The following CORO1A variants were observed in gnomAD, a reference collection of about 807,000 sequenced individuals.
CORO1A encodes the protein coronin 1A, also known as coronin-1A.
A neutral mutation model predicts 44.1 loss-of-function variants in CORO1A; 17 were observed. That is an observed-to-expected ratio of 0.39 (90% CI 0.26 to 0.58). The LOEUF (loss-of-function observed/expected upper bound fraction) is 0.58. Among genes scored for constraint, CORO1A ranks in the 20% least tolerant of loss-of-function variants. CORO1A has a pLI of 0.62. For missense variants in CORO1A, 415 were observed against 606.5 expected (o/e 0.68, Z 3.32); for synonymous variants, 271 against 244.2 (o/e 1.11, Z -1.02).
In CORO1A at chr16:30,188,235, A is replaced by T. The variant is rs1193026406; in HGVS notation, c.1051A>T (p.Thr351Ser). The T allele has an allele frequency of 1.9e-6, 3 of 1,614,092 alleles. No homozygotes were observed. The highest frequency in any genetic ancestry group is 8.5e-7 in the Non-Finnish European group (1 of 1,180,002). The change falls in exon 9 of 11, where the codon ACA becomes TCA. Residue 351 changes from threonine (T) to serine (S), a missense_variant. Transcript: ENST00000219150. Reference sequence around the variant, plus strand: ...GCGGAGGTGTGAGCCCATTGCCATGACAGTGCCTCGAAAGGTGATGCTCCC... The same window carrying T: ...GCGGAGGTGTGAGCCCATTGCCATGTCAGTGCCTCGAAAGGTGATGCTCCC... ...HERRCEPIAMTVPRKSDLFQE... is the reference protein window; with the variant it reads ...HERRCEPIAMSVPRKSDLFQE...
chr16:30,187,981 GC>G lies in CORO1A; in HGVS notation c.905del (p.Pro302LeufsTer28). 1.2e-6 allele frequency: 2 copies of G among 1,614,052 alleles called. No individual in the cohort carries two copies. The highest frequency in any genetic ancestry group is 1.7e-6 in the Non-Finnish European group (2 of 1,179,998). ...SIRYFEITSE[A>X]PFLHYLSMFS... ...CCGGTACTTTGAGATCACTTCCGAG[GC>G]CCCTTTCCTGCACTATCTCTCCATG... is the stretch of plus-strand genomic sequence containing the variant. On this transcript the variant is annotated frameshift_variant, in exon 8 of 11. Transcript: ENST00000219150. LOFTEE classifies it high-confidence loss of function.
Position 30,187,382 on chromosome 16 carries a change from G to A in CORO1A, c.637G>A (p.Glu213Lys), listed in dbSNP as rs1305051349. ...IEPRKGTVVA[E>K]KDRPHEGTRP... is the part of the protein sequence containing the mutation. ...ACCTACCACCTCCCTTTCCTTGCAG[G>A]AGAAGGACCGTCCCCACGAGGGGAC... is the stretch of plus-strand genomic sequence containing the variant. Residue 213 changes from glutamate (E) to lysine (K), a missense_variant and splice_region_variant, in exon 6 of 11, where the codon GAG becomes AAG. Around this residue, in one of 2 missense-constraint regions of CORO1A, gnomAD observed 325 missense variants for 521.7 expected, o/e 0.62. Coordinates refer to ENST00000219150, the MANE Select transcript of CORO1A (RefSeq NM_007074.4). The A allele has an allele frequency of 1.3e-5, 21 of 1,610,454 alleles. 1 individual carries two copies. In the Admixed American group the frequency reaches 3.5e-4, roughly 27 times the overall value.
chr16:30,185,376 G>A lies in CORO1A; in HGVS notation c.167G>A (p.Gly56Glu). The stretch of plus-strand genomic sequence containing the variant: ...GCCCTGATCTGTGAGGCCAGCGGGG[G>A]AGGGGCCTTCCTGGTGCTGCCCCTG... ...FVALICEASG[G>E]GAFLVLPLGK... Residue 56 changes from glycine to glutamate, a missense_variant, in exon 2 of 11, where the codon GGA becomes GAA. Gly to Glu is a moderately conservative substitution (Grantham distance 98). This residue lies in a region of CORO1A where 325 missense variants were observed against 521.7 expected (regional missense o/e 0.62). Coordinates refer to ENST00000219150, the MANE Select transcript of CORO1A (RefSeq NM_007074.4). 6.2e-7 allele frequency: 1 copy of A among 1,614,022 alleles called. No homozygotes were observed. Among genetic ancestry groups the A allele is most frequent in the Non-Finnish European group, 8.5e-7 (1 of 1,180,012 alleles).
At chr16:30,187,329 G>A (rs1298688606) in intron 5 of CORO1A, 53 bp from the exon 6 acceptor site, 2 of 1,606,548 alleles carry the variant, frequency 1.2e-6, no homozygotes, top group Non-Finnish European at 1.7e-6. Flanking sequence ...ACCTGGGACT[G>A]GCCCCGTAGG....
intron 2 of CORO1A, chr16:30,186,187 C>A: frequency 3.2e-6 from 1 of 310,750 alleles, no homozygotes. Flanking sequence ...CCCTGCAGCC[C>A]CACCACTCAC....
At position 30,186,685 on chromosome 16, in the gene CORO1A, G is replaced by A. The variant is rs756845489; in HGVS notation, c.286G>A (p.Val96Ile). The A allele has an allele frequency of 2.0e-5, 32 of 1,612,994 alleles. No homozygotes were observed. Among genetic ancestry groups the A allele is most frequent in the East Asian group, 1.3e-4 (6 of 44,882 alleles). Residue 96 changes from valine (V) to isoleucine (I), a missense_variant, in exon 3 of 11, where the codon GTC becomes ATC. Physicochemically the swap from Val to Ile is conservative, Grantham distance 29 (BLOSUM62 3). Around this residue, in one of 2 missense-constraint regions of CORO1A, gnomAD observed 325 missense variants for 521.7 expected, o/e 0.62. Transcript: ENST00000219150. ...CGCCTGGTGCCCGCACAATGACAAC[G>A]TCATTGCCAGTGGCTCCGAGGACTG... The part of the protein sequence containing the change: ...DIAWCPHNDN[V>I]IASGSEDCTV...
At position 30,188,266 on chromosome 16, in the gene CORO1A, C is replaced by A; in HGVS notation, c.1065+17C>A. On this transcript the variant is annotated intron_variant, in intron 9 of 10. Transcript: ENST00000219150. ...CCTCGAAAGGTGATGCTCCCCCGCC[C>A]CACCCTGGGCTCCAGGCTGGGCACT... The A allele has an allele frequency of 6.2e-7, 1 of 1,613,574 alleles. No individual in the cohort carries two copies. Among genetic ancestry groups the A allele is most frequent in the Non-Finnish European group, 8.5e-7 (1 of 1,179,602 alleles).
chr16:30,184,667 T>G lies in CORO1A; in HGVS notation c.-1-542T>G. ...TGAGCCAGAGACCTGCTGGGGAAGC[T>G]ATCCTGCCGCCTCACTCCCCTCAGG... On this transcript the variant is annotated intron_variant, in intron 1 of 10. Transcript: ENST00000219150. This position sits in a 1 kb window ranked among gnomAD's most constrained non-coding sequence, Gnocchi z 4.3. 5.2e-6 allele frequency: 1 copy of G among 192,498 alleles called. No individual in the cohort carries two copies. The highest frequency in any genetic ancestry group is 8.1e-5 in the South Asian group (1 of 12,384). The allele number at this position is 192,498 out of a possible 1,614,324, so 11.9% of individuals were successfully genotyped here.
chr16:30,186,545 T>C (rs527251188), intron 2 of CORO1A, 53 bp from the exon 3 acceptor site: 32 of 1,595,480 alleles, frequency 2.0e-5, no homozygotes, highest in African/African-American at 4.1e-5. Context: ...TGTGGGGAGG[T>C]TGGATTGGGT....
Position 30,187,221 on chromosome 16 carries a change from G to C in CORO1A, c.634G>C (p.Ala212Pro). The C allele has an allele frequency of 6.2e-7, 1 of 1,611,712 alleles. No homozygotes were observed. Among genetic ancestry groups the C allele is most frequent in the Non-Finnish European group, 8.5e-7 (1 of 1,180,020 alleles). Residue 212 changes from alanine (A) to proline (P), a missense_variant and splice_region_variant, in exon 5 of 11, where the codon GCT (alanine) becomes CCT (proline). Ala to Pro is a conservative substitution (Grantham distance 27). Transcript: ENST00000219150. The stretch of plus-strand genomic sequence containing the variant: ...CGAGCCCCGCAAAGGCACTGTCGTA[G>C]CTGTGAGTCGCCATCTACCCTGACC... ...IIEPRKGTVV[A>P]EKDRPHEGTR... is the part of the protein sequence containing the mutation.
chr16:30,186,571 A>G (rs2151062329), intron 2 of CORO1A, 27 bp from the exon 3 acceptor site: 1 of 1,611,792 alleles, frequency 6.2e-7, no homozygotes, highest in Non-Finnish European at 8.5e-7. Flanking sequence ...AGGCAAAAGC[A>G]CCTCCAAGGC....
Position 30,186,734 on chromosome 16 carries a change from G to C in CORO1A, c.321+14G>C. ...TGCACAGTCATGGTGAGTGGTGGTG[G>C]GGACCCAGGGGCTGGGAGAGGGGCT... On this transcript the variant is annotated intron_variant, in intron 3 of 10. Transcript: ENST00000219150. The C allele has an allele frequency of 6.2e-7, 1 of 1,610,946 alleles. No homozygotes were observed. Among genetic ancestry groups the C allele is most frequent in the Non-Finnish European group, 8.5e-7 (1 of 1,179,798 alleles).
chr16:30,188,559 A>T lies in CORO1A; in HGVS notation c.1264A>T (p.Ser422Cys). Reference sequence around the variant, plus strand: ...GCGCAGGAGGGCAGCACCAGAGGCCAGTGGCACTCCCAGCTCGGTGAGAGG... The same window carrying T: ...GCGCAGGAGGGCAGCACCAGAGGCCTGTGGCACTCCCAGCTCGGTGAGAGG... ...TGRRRAAPEA[S>C]GTPSSDAVSR... The change falls in exon 10 of 11, where the codon AGT (serine) becomes TGT (cysteine). Residue 422 changes from serine to cysteine, a missense_variant. This residue lies in a region of CORO1A where 90 missense variants were observed against 84.7 expected (regional missense o/e 1.06). Coordinates refer to ENST00000219150, the MANE Select transcript of CORO1A (RefSeq NM_007074.4). 2 of 1,347,424 alleles carry T rather than the reference A, an allele frequency of 1.5e-6. No individual in the cohort carries two copies. Among genetic ancestry groups the T allele is most frequent in the African/African-American group, 3.2e-5 (2 of 62,102 alleles). The allele number at this position is 1,347,424 out of a possible 1,614,324, so 83.5% of individuals were successfully genotyped here.
At chr16:30,185,476 A>AG (rs2073323702) in intron 2 of CORO1A, 69 bp downstream of exon 2, 1 of 1,441,024 alleles carries the variant, frequency 6.9e-7, no homozygotes, top group African/African-American at 1.4e-5. Flanking sequence ...GGTCCTGATT[A>AG]GGTGACGGTC....
Position 30,186,852 on chromosome 16 carries a change from CT to C in CORO1A, c.359del (p.Leu120ArgfsTer36). 6.2e-7 allele frequency: 1 copy of C among 1,611,836 alleles called. No individual in the cohort carries two copies. On this transcript the variant is annotated frameshift_variant, in exon 4 of 11. Coordinates refer to ENST00000219150, the MANE Select transcript of CORO1A (RefSeq NM_007074.4). LOFTEE classifies it high-confidence loss of function. Reference sequence around the variant, plus strand: ...CCCAGATGGGGGCCTGATGCTGCCCCTGCGGGAGCCCGTCGTCACCCTGGAG... The same window carrying C: ...CCCAGATGGGGGCCTGATGCTGCCCCGCGGGAGCCCGTCGTCACCCTGGAG... Reference protein sequence around the residue: ...EIPDGGLMLPLREPVVTLEGH... With the variant: ...EIPDGGLMLPXREPVVTLEGH...
Position 30,188,964 on chromosome 16 carries a change from G to GAGCC in CORO1A, c.*1_*4dup. ...TGGAGGAGACAGTCCAGGCCAAGTA[G>GAGCC]AGCCCCGCAGGGCCTCCAGCAGGGT... On this transcript the variant is annotated 3_prime_UTR_variant, in exon 11 of 11. Transcript: ENST00000219150. The GAGCC allele has an allele frequency of 4.3e-6, 1 of 232,666 alleles. No homozygotes were observed. The highest frequency in any genetic ancestry group is 7.5e-6 in the Non-Finnish European group (1 of 133,278). The allele number at this position is 232,666 out of a possible 1,614,324, so 14.4% of individuals were successfully genotyped here.
Position 30,187,101 on chromosome 16 carries a change from C to G in CORO1A, c.514C>G (p.Pro172Ala), listed in dbSNP as rs1160891433. The change falls in exon 5 of 11, where the codon CCA becomes GCA. Residue 172 changes from proline (P) to alanine (A), a missense_variant. This residue lies in a region of CORO1A where 325 missense variants were observed against 521.7 expected (regional missense o/e 0.62). Transcript: ENST00000219150. ...GTGAAMLTLG[P>A]EVHPDTIYSV... Reference sequence around the variant, plus strand: ...TGGGGCGGCCATGCTGACACTGGGCCCAGAGGTGCACCCAGACACGATCTA... The same window carrying G: ...TGGGGCGGCCATGCTGACACTGGGCGCAGAGGTGCACCCAGACACGATCTA... 3.1e-6 allele frequency: 5 copies of G among 1,613,882 alleles called. No homozygotes were observed. Among genetic ancestry groups the G allele is most frequent in the Non-Finnish European group, 3.4e-6 (4 of 1,179,968 alleles).
intron 2 of CORO1A, 76 bp downstream of exon 2, chr16:30,185,483 G>C (rs970318080): frequency 2.9e-6 from 4 of 1,358,056 alleles, no homozygotes; most frequent in Non-Finnish European, 4.1e-6. Flanking sequence ...ATTAGGTGAC[G>C]GTCACCAGGC....
Position 30,186,932 on chromosome 16 carries a change from G to C in CORO1A, c.438G>C (p.Val146=). 6.2e-7 allele frequency: 1 copy of C among 1,612,826 alleles called. No individual in the cohort carries two copies. Among genetic ancestry groups the C allele is most frequent in the Non-Finnish European group, 8.5e-7 (1 of 1,179,992 alleles). ...CCTGGCACACCACAGCCCAGAACGT[G>C]CTGCTCAGTGCAGGTGCTGCGGGAG... The part of the protein sequence containing the change: ...IVAWHTTAQN[V]LLSAGCDNVI... Residue 146 remains valine, a synonymous_variant, in exon 4 of 11, where the codon GTG becomes GTC. Transcript: ENST00000219150.
Sources: gnomAD v4.1 joint callset for allele counts on GRCh38, gnomAD v4.1.1 for gene constraint, gnomAD v4.1.1 regional missense constraint, Gnocchi (gnomAD v3.1) non-coding constraint, MANE v1.5 for transcripts, NCBI Gene and HGNC (gene_info 2026-07-23, HGNC 2026-07-21) for gene names.